The following SNX20 variants were observed in gnomAD, a reference collection of about 807,000 sequenced individuals.
The protein encoded by SNX20 is sorting nexin 20, also known as sorting nexin-20.
Under a neutral mutation model 24.5 loss-of-function variants are expected in SNX20, and 21 were observed. The observed-to-expected ratio is 0.86, with a 90% CI of 0.61 to 1.23. The LOEUF (loss-of-function observed/expected upper bound fraction) is 1.23, where lower values mean the gene tolerates loss of function less well. Ranked by LOEUF, SNX20 falls within the 50% of genes most tolerant of loss-of-function variation. The pLI, the probability that SNX20 is intolerant of heterozygous loss-of-function variation, is 0.00. For missense variants in SNX20, 433 were observed against 430.8 expected, an observed-to-expected ratio of 1.00 and a Z score of -0.04; for synonymous variants, 206 against 192.8, an observed-to-expected ratio of 1.07 and a Z score of -0.57.
At chr16:50,677,672 C>T (rs1963215755) in intron 1 of SNX20, 137 bp from the exon 2 acceptor site, 18 of 966,226 alleles carry the variant, frequency 1.9e-5, no homozygotes, top group Non-Finnish European at 2.5e-5. Context: ...TCAACCTTCC[C>T]CACTCTCCCA....
At chr16:50,668,405 G>A (rs1211216208), downstream of SNX20, 3 of 865,274 alleles carry the variant, frequency 3.5e-6, no homozygotes, top group Non-Finnish European at 4.5e-6. Context: ...GCCTGTCTCA[G>A]GTAAAAGCGG....
In SNX20 at chr16:50,673,991, C is replaced by G. The variant is rs1394169768; in HGVS notation, c.366G>C (p.Lys122Asn). 9.9e-6 allele frequency: 16 copies of G among 1,612,902 alleles called. No homozygotes were observed. The highest frequency in any genetic ancestry group is 2.7e-5 in the African/African-American group (2 of 74,826). ...ACGTCTTCAGCAGCGCTTTCTGGAG[C>G]TTCGCGAAGTCGGAATAGCGCCGTT... ...VLERRYSDFAKLQKALLKTFR... is the reference protein window; with the variant it reads ...VLERRYSDFANLQKALLKTFR... Residue 122 changes from lysine (K) to asparagine (N), a missense_variant, in exon 4 of 4, where the codon AAG becomes AAC. By Grantham distance (94) the Lys-to-Asn change is moderately conservative. Coordinates refer to ENST00000330943, the MANE Select transcript of SNX20 (RefSeq NM_182854.4). This position sits in a 1 kb window ranked among gnomAD's most constrained non-coding sequence, Gnocchi z 4.1.
downstream of SNX20, chr16:50,668,265 A>G (rs1256605727): frequency 1.3e-5 from 19 of 1,418,274 alleles, no homozygotes; most frequent in Non-Finnish European, 1.4e-5. Flanking sequence ...TTGCAGGACA[A>G]CATTTTCCAG....
chr16:50,670,630 T>C (rs12919875), downstream of SNX20: 54,648 of 152,356 alleles, frequency 0.36, 10,360 homozygotes, highest in Non-Finnish European at 0.43. Context: ...CAGTGGGCCC[T>C]GCGGAAAGCT....
Position 50,677,539 on chromosome 16 carries a change from C to G in SNX20, c.-9-4G>C. 1 of 1,550,232 alleles carries G rather than the reference C, an allele frequency of 6.5e-7. No homozygotes were observed. The highest frequency in any genetic ancestry group is 1.9e-5 in the Admixed American group (1 of 53,274). On this transcript the variant is annotated splice_polypyrimidine_tract_variant and splice_region_variant and intron_variant, in intron 1 of 3. Transcript: ENST00000330943. ...CTGGACTTGCCATGCTCCAAGGCTG[C>G]CAGAGGAAAAAGAGAACAGTGAGGA...
At chr16:50,677,101 C>T (rs796203289) in intron 2 of SNX20, among the ~76,000 whole-genome samples, 1 of 152,316 alleles carries the variant, frequency 6.6e-6, no homozygotes, top group African/African-American at 2.4e-5. Flanking sequence ...TCCAGGGTCT[C>T]CCAGAAGACC....
chr16:50,678,871 C>T (rs1027252170), intron 1 of SNX20, among the ~76,000 whole-genome samples: 1 of 152,200 alleles, frequency 6.6e-6, no homozygotes, highest in African/African-American at 2.4e-5. Context: ...ACTCTGAAGC[C>T]TCAGCTCAGG....
At chr16:50,677,275 G>T in intron 2 of SNX20, 122 bp downstream of exon 2, 1 of 1,294,022 alleles carries the variant, frequency 7.7e-7, no homozygotes, top group Non-Finnish European at 1.0e-6. Flanking sequence ...TGTCTGTTTT[G>T]GGATAACCCA....
In SNX20 at chr16:50,673,267, C is replaced by T. The variant is rs1963090095; in HGVS notation, c.*139G>A. ...AGTGAGACATAATTGAGCCACTGCA[C>T]TTCAGTCTGGGTGACAGAGCAAGAC... On this transcript the variant is annotated 3_prime_UTR_variant, in exon 4 of 4. Transcript: ENST00000330943. The surrounding 1 kb of genome is among the most constrained non-coding windows in gnomAD (Gnocchi z 4.1). 7.7e-7 allele frequency: 1 copy of T among 1,298,514 alleles called. No individual in the cohort carries two copies. Among genetic ancestry groups the T allele is most frequent in the Non-Finnish European group, 9.8e-7 (1 of 1,022,780 alleles). The allele number at this position is 1,298,514 out of a possible 1,614,324, so 80.4% of individuals were successfully genotyped here. A position where few individuals can be genotyped will look rare whatever the true frequency, so the allele number is the denominator to read the frequency against.
At chr16:50,668,632 T>A (rs995127619), downstream of SNX20, 1 of 1,023,050 alleles carries the variant, frequency 9.8e-7, no homozygotes, top group Non-Finnish European at 1.2e-6. Context: ...AAGGGCTGTG[T>A]GAGCATGCAG....
At chr16:50,668,227 C>T (rs563767802), downstream of SNX20, 33 of 1,442,026 alleles carry the variant, frequency 2.3e-5, no homozygotes, top group East Asian at 4.8e-4. Context: ...GGATGATCAG[C>T]GCTACGTGGT....
At chr16:50,669,699 C>G (rs1439979275), downstream of SNX20, 1 of 152,488 alleles carries the variant, frequency 6.6e-6, no homozygotes, top group Non-Finnish European at 1.5e-5. Flanking sequence ...CAAATTAAAG[C>G]CTGGTCTTAA....
Position 50,673,909 on chromosome 16 carries a change from C to G in SNX20, c.448G>C (p.Ala150Pro), listed in dbSNP as rs376793244. 1.1e-5 allele frequency: 17 copies of G among 1,611,484 alleles called. No individual in the cohort carries two copies. Among genetic ancestry groups the G allele is most frequent in the African/African-American group, 2.7e-5 (2 of 74,880 alleles). ...CGACGCTCACAGATCATCTCCTCAG[C>G]GAAGTTCCCAGTCAGGTGCTTCCTG... is the stretch of plus-strand genomic sequence containing the variant. Reference protein sequence around the residue: ...FPRKHLTGNFAEEMICERRRA... With the variant: ...FPRKHLTGNFPEEMICERRRA... The change falls in exon 4 of 4, where the codon GCT becomes CCT. Residue 150 changes from alanine to proline, a missense_variant. Ala to Pro is a conservative substitution (Grantham distance 27, BLOSUM62 -1). Transcript: ENST00000330943. This position sits in a 1 kb window ranked among gnomAD's most constrained non-coding sequence, Gnocchi z 4.1.
At chr16:50,668,275 G>T (rs1962961856), downstream of SNX20, 1 of 1,407,138 alleles carries the variant, frequency 7.1e-7, no homozygotes, top group South Asian at 1.5e-5. Flanking sequence ...ACATTTTCCA[G>T]TCCTTCTGAG....
chr16:50,678,348 C>G (rs1567371453), intron 1 of SNX20, among the ~76,000 whole-genome samples: 1 of 152,134 alleles, frequency 6.6e-6, no homozygotes, highest in African/African-American at 2.4e-5. Context: ...CTCCATAGCC[C>G]CTAATCTAGT....
chr16:50,675,686 A>G, intron 3 of SNX20, 84 bp downstream of exon 3: 1 of 1,543,994 alleles, frequency 6.5e-7, no homozygotes, highest in Non-Finnish European at 8.8e-7. Flanking sequence ...CATAGTTGGG[A>G]AACCTGAGGC....
chr16:50,669,251 G>A, downstream of SNX20: 1 of 680,542 alleles, frequency 1.5e-6, no homozygotes, highest in Non-Finnish European at 2.7e-6. Context: ...AGAAAAGAGG[G>A]TTATTTGGCT....
At chr16:50,674,341 A>C (rs374483390) in intron 3 of SNX20, among the ~76,000 whole-genome samples, 3 of 151,996 alleles carry the variant, frequency 2.0e-5, no homozygotes, top group East Asian at 1.9e-4. Flanking sequence ...CCTTGAACTT[A>C]TGGGCTCAAT....
Position 50,673,516 on chromosome 16 carries a change from C to T in SNX20, c.841G>A (p.Gly281Ser), listed in dbSNP as rs1475381689. Reference protein sequence around the residue: ...DAMVRLAYALGKDFVTLQERL... With the variant: ...DAMVRLAYALSKDFVTLQERL... ...TCCTGCAGAGTCACGAAGTCCTTGC[C>T]CAGCGCGTAGGCCAGGCGGACCATG... Residue 281 changes from glycine (G) to serine (S), a missense_variant, in exon 4 of 4, where the codon GGC (glycine) becomes AGC (serine). Gly to Ser is a moderately conservative substitution (Grantham distance 56). Transcript: ENST00000330943. The surrounding 1 kb of genome is among the most constrained non-coding windows in gnomAD (Gnocchi z 4.1). 1.2e-6 allele frequency: 2 copies of T among 1,610,292 alleles called. No homozygotes were observed. The highest frequency in any genetic ancestry group is 2.7e-5 in the African/African-American group (2 of 74,590).
Sources: gnomAD v4.1 joint callset for allele counts (sites outside exome capture counted in the v4.1 genomes callset) on GRCh38, gnomAD v4.1.1 for gene constraint, Gnocchi (gnomAD v3.1) non-coding constraint, MANE v1.5 for transcripts, NCBI Gene and HGNC (gene_info 2026-07-23, HGNC 2026-07-21) for gene names.